Variants in CADM2 observed in about 807,000 individuals in gnomAD.
CADM2 encodes the protein cell adhesion molecule 2, also known as immunoglobulin superfamily member 4D.
A neutral mutation model predicts 49.8 loss-of-function variants in CADM2; 12 were observed. The observed-to-expected ratio is 0.24, with a 90% CI of 0.15 to 0.39. The LOEUF is 0.39. Ranked by LOEUF, CADM2 falls within the 10% of genes least tolerant of loss-of-function variation. The pLI is 1.00. For missense variants in CADM2, 378 were observed against 492.3 expected (o/e 0.77, Z 2.20); for synonymous variants, 214 against 175.4 (o/e 1.22, Z -1.74).
At chr3:85,383,549 T>TAC (rs1205273427) in intron 1 of CADM2, among the ~76,000 whole-genome samples, 50 of 146,348 alleles carry the variant, frequency 3.4e-4, no homozygotes, top group Non-Finnish European at 1.5e-5. Context: ...CATATATATA[T>TAC]ACATATAAAC....
intron 1 of CADM2, among the ~76,000 whole-genome samples, chr3:85,259,223 A>T (rs949090574): frequency 3.9e-5 from 6 of 152,170 alleles, no homozygotes; most frequent in Non-Finnish European, 7.4e-5. Context: ...AACGCCGAGC[A>T]TGACAGTGAT....
At chr3:85,131,421 T>G (rs1056696752) in intron 1 of CADM2, among the ~76,000 whole-genome samples, 12 of 152,180 alleles carry the variant, frequency 7.9e-5, no homozygotes, top group Non-Finnish European at 1.6e-4. Flanking sequence ...CCTTCAAAAT[T>G]TGCTAGCCTA....
chr3:85,338,159 G>A (rs2045141435), intron 1 of CADM2, among the ~76,000 whole-genome samples: 1 of 151,518 alleles, frequency 6.6e-6, no homozygotes, highest in Admixed American at 6.6e-5. Flanking sequence ...TTGCATAGAA[G>A]ATGTGTGTGC....
intron 8 of CADM2, among the ~76,000 whole-genome samples, chr3:85,978,685 T>C (rs1199773105): frequency 1.3e-5 from 2 of 151,698 alleles, no homozygotes; most frequent in African/African-American, 2.4e-5. Flanking sequence ...TATCATTAAG[T>C]CTTCCTAAAA....
chr3:85,305,879 C>CT (rs1258486451), intron 1 of CADM2, among the ~76,000 whole-genome samples: 2 of 151,478 alleles, frequency 1.3e-5, no homozygotes, highest in Admixed American at 1.3e-4. Context: ...TTGTCTCTTT[C>CT]TTTTTTTGAA....
At chr3:85,444,546 T>G (rs1052630441) in intron 1 of CADM2, among the ~76,000 whole-genome samples, 5 of 152,036 alleles carry the variant, frequency 3.3e-5, no homozygotes, top group African/African-American at 1.2e-4. Context: ...CATAGATCAC[T>G]TCTTCAACTC....
intron 8 of CADM2, among the ~76,000 whole-genome samples, chr3:86,059,097 A>G (rs1258687030): frequency 2.1e-5 from 1 of 46,966 alleles, no homozygotes; most frequent in Admixed American, 2.2e-4. Context: ...CCATCTTACA[A>G]AAAAAAAAAA....
chr3:85,978,925 T>A (rs897795493), intron 8 of CADM2, among the ~76,000 whole-genome samples: 3 of 150,446 alleles, frequency 2.0e-5, no homozygotes, highest in African/African-American at 7.5e-5. Context: ...TTACTCTAAA[T>A]ATTGAAAATA....
chr3:85,685,016 C>G (rs866827618), intron 1 of CADM2, among the ~76,000 whole-genome samples: 2 of 152,126 alleles, frequency 1.3e-5, no homozygotes, highest in African/African-American at 2.4e-5. Context: ...GTAATCCCAG[C>G]AAGAGGAGGG....
At chr3:85,348,845 G>T (rs1344348522) in intron 1 of CADM2, among the ~76,000 whole-genome samples, 1 of 152,034 alleles carries the variant, frequency 6.6e-6, no homozygotes, top group Non-Finnish European at 1.5e-5. Context: ...TTAAAATATT[G>T]TTTGTTTTAA....
rs548501069 is a variant in CADM2 at position 85,049,596 on chromosome 3, C to T, written c.61+89928C>T. Among the ~76,000 whole-genome samples the T allele has an allele frequency of 2.0e-3, 308 of 151,648 alleles. 1 individual carries two copies. Among genetic ancestry groups the T allele is most frequent in the Non-Finnish European group, 3.9e-3 (264 of 67,908 alleles). ...CAAACTCCTGACCTCGTGATCTGCC[C>T]GCCTCAGCCTCCCTAAGTGCTGGAA... On this transcript the variant is annotated intron_variant, in intron 1 of 9. Transcript: ENST00000383699.
At chr3:85,962,206 A>G (rs1724922762) in intron 8 of CADM2, among the ~76,000 whole-genome samples, 1 of 151,998 alleles carries the variant, frequency 6.6e-6, no homozygotes, top group Non-Finnish European at 1.5e-5. Context: ...GGTGTGAGCC[A>G]TCACACCCGG....
At chr3:85,650,283 C>A (rs1315016394) in intron 1 of CADM2, among the ~76,000 whole-genome samples, 1 of 152,016 alleles carries the variant, frequency 6.6e-6, no homozygotes, top group Admixed American at 6.6e-5. Flanking sequence ...GCTTTTGTGA[C>A]AAATGTTGTG....
intron 1 of CADM2, among the ~76,000 whole-genome samples, chr3:85,076,354 G>A (rs1000245793): frequency 6.9e-6 from 1 of 144,436 alleles, no homozygotes; most frequent in Non-Finnish European, 1.5e-5. Context: ...GGTGTGCATG[G>A]TTTTTCTGAG....
intron 1 of CADM2, among the ~76,000 whole-genome samples, chr3:85,043,449 G>A (rs749484037): frequency 2.0e-5 from 3 of 151,914 alleles, no homozygotes; most frequent in Non-Finnish European, 2.9e-5. Flanking sequence ...AGAGGCTGAG[G>A]CATGAGGATC....
intron 1 of CADM2, among the ~76,000 whole-genome samples, chr3:85,237,562 A>T (rs974517154): frequency 2.6e-5 from 4 of 151,264 alleles, no homozygotes; most frequent in Admixed American, 2.0e-4. Flanking sequence ...ATACATAAAT[A>T]TAAATTTAAA....
chr3:85,739,340 A>G (rs1351379933), intron 2 of CADM2, among the ~76,000 whole-genome samples: 3 of 152,092 alleles, frequency 2.0e-5, no homozygotes, highest in Non-Finnish European at 2.9e-5. Context: ...TTAGATGTCA[A>G]TTATCTTTAT....
intron 1 of CADM2, among the ~76,000 whole-genome samples, chr3:85,460,078 C>T (rs1044461501): frequency 1.3e-5 from 2 of 152,042 alleles, no homozygotes; most frequent in Non-Finnish European, 2.9e-5. Context: ...AGCTATTCTC[C>T]GTCATATCTT....
intron 1 of CADM2, among the ~76,000 whole-genome samples, chr3:85,573,157 TTTTATTTA>T (rs34809115): frequency 0.27 from 37,920 of 139,146 alleles, 5,326 homozygotes; most frequent in African/African-American, 0.3. Context: ...AACGTGCTTA[TTTTATTTA>T]TTTATTTATT....
Sources: allele counts gnomAD v4.1 joint callset (sites outside exome capture counted in the v4.1 genomes callset), GRCh38; gene constraint gnomAD v4.1.1; transcripts MANE v1.5; gene names NCBI Gene and HGNC (gene_info 2026-07-23, HGNC 2026-07-21).